Variants in KLHDC4 observed in about 807,000 individuals in gnomAD.
The protein encoded by KLHDC4 is kelch domain containing 4, also known as kelch domain-containing protein 4.
In KLHDC4, 90 loss-of-function variants were observed where a neutral mutation model predicts 62.4. The observed-to-expected ratio is 1.44, with a 90% confidence interval of 1.22 to 1.72. The LOEUF (loss-of-function observed/expected upper bound fraction) is 1.72. KLHDC4 is among the 40% of genes most tolerant of loss of function. KLHDC4 has a pLI of 0.00. For missense variants in KLHDC4, 1,025 were observed against 699.7 expected (o/e 1.47, Z -5.25); for synonymous variants, 386 against 284.4 (o/e 1.36, Z -3.59).
At chr16:87,710,007 C>T (rs964705088) in intron 9 of KLHDC4, 7 of 280,134 alleles carry the variant, frequency 2.5e-5, no homozygotes, top group African/African-American at 1.5e-4. Flanking sequence ...CCGACGCTCA[C>T]CCTGGGAAAA....
At chr16:87,741,366 C>T (rs1363674482) in intron 5 of KLHDC4, among the ~76,000 whole-genome samples, 1 of 152,196 alleles carries the variant, frequency 6.6e-6, no homozygotes, top group African/African-American at 2.4e-5. Context: ...GTGAGGGGGC[C>T]AGCAGGCATC....
chr16:87,762,035 G>A lies in KLHDC4; in HGVS notation c.105C>T (p.Asp35=), dbSNP rs2045967787. The change falls in exon 2 of 12, where the codon GAC becomes GAT. Residue 35 remains aspartate, a synonymous_variant. Transcript: ENST00000270583. ...VSKRSRKEEE[D]LEALIAHFQT... ...GGAAATGGGCTATGAGCGCTTCCAGGTCTTCCTAGGGCAAGCAAGCAGGCA... is the reference window on the plus strand; with the variant it reads ...GGAAATGGGCTATGAGCGCTTCCAGATCTTCCTAGGGCAAGCAAGCAGGCA... 1.2e-6 allele frequency: 2 copies of A among 1,613,424 alleles called. No homozygotes were observed.
chr16:87,708,020 G>A lies in KLHDC4; in HGVS notation c.*57C>T. 1 of 501,454 alleles carries A rather than the reference G, an allele frequency of 2.0e-6. No homozygotes were observed. The highest frequency in any genetic ancestry group is 3.9e-6 in the Non-Finnish European group (1 of 256,530). 31.1% of individuals were successfully genotyped at this position (501,454 alleles called of 1,614,324 possible). ...CCCAAGAGCTTCACTCAACACGGCT[G>A]GGTCCTGGGCGGACGTGGGCACAGC... On this transcript the variant is annotated 3_prime_UTR_variant, in exon 12 of 12. Coordinates refer to ENST00000270583, the MANE Select transcript of KLHDC4 (RefSeq NM_017566.4).
chr16:87,716,146 C>T (rs1054009452), intron 7 of KLHDC4, among the ~76,000 whole-genome samples: 3 of 150,004 alleles, frequency 2.0e-5, no homozygotes, highest in East Asian at 1.9e-4. Flanking sequence ...TTTATGTAGA[C>T]TTTGGGTACG....
At position 87,700,339 on chromosome 16, in the gene KLHDC4, G is replaced by A. The variant is rs183452029; in HGVS notation, c.*1300C>T. 634 of 155,004 alleles carry A rather than the reference G, an allele frequency of 4.1e-3. 2 individuals carry two copies. The highest frequency in any genetic ancestry group is 0.014 in the African/African-American group (598 of 41,644). 9.6% of individuals were successfully genotyped at this position (155,004 alleles called of 1,614,324 possible). On this transcript the variant is annotated 3_prime_UTR_variant, in exon 1 of 1. Transcript: ENST00000446344. ...TGACTGTTTCTGCCTTCAGCCGGCC[G>A]ACAGCACCGGGCGCAACAAGCTTCA...
At chr16:87,765,344 T>C (rs1286036791) in intron 1 of KLHDC4, 1 of 457,852 alleles carries the variant, frequency 2.2e-6, no homozygotes, top group Non-Finnish European at 4.4e-6. Flanking sequence ...TTGCCCTCTT[T>C]TGAAAGAAAA....
intron 7 of KLHDC4, among the ~76,000 whole-genome samples, chr16:87,716,517 T>C (rs763789775): frequency 6.6e-6 from 1 of 152,138 alleles, no homozygotes; most frequent in Non-Finnish European, 1.5e-5. Context: ...TTTGAGCACC[T>C]CCTTAGGCTC....
chr16:87,749,489 G>A (rs113814540), intron 4 of KLHDC4, among the ~76,000 whole-genome samples: 1 of 151,668 alleles, frequency 6.6e-6, no homozygotes, highest in African/African-American at 2.4e-5. Flanking sequence ...GGGAGGTGGA[G>A]GGTGCAGTGA....
At chr16:87,702,461 C>A in exon 1 of KLHDC4, 1 of 362,952 alleles carries the variant, frequency 2.8e-6, no homozygotes, top group Non-Finnish European at 5.4e-6. Context: ...GAGCCCGCGT[C>A]CCCAAATGTA....
chr16:87,752,877 T>C (rs963439140), intron 4 of KLHDC4, among the ~76,000 whole-genome samples: 1 of 152,228 alleles, frequency 6.6e-6, no homozygotes, highest in African/African-American at 2.4e-5. Context: ...TGTACCACGT[T>C]AGCTCCGCAC....
exon 1 of KLHDC4, chr16:87,698,365 C>G (rs2033990134): frequency 1.1e-5 from 1 of 88,712 alleles, no homozygotes; most frequent in Non-Finnish European, 2.0e-5. Context: ...ATAAAGACTC[C>G]TGCTCTGTGC....
At chr16:87,753,120 G>A (rs937568018) in intron 4 of KLHDC4, among the ~76,000 whole-genome samples, 1 of 152,222 alleles carries the variant, frequency 6.6e-6, no homozygotes, top group Non-Finnish European at 1.5e-5. Context: ...GGACGCAGAG[G>A]CAGCTAAAAG....
At chr16:87,751,252 G>C (rs2043880049) in intron 4 of KLHDC4, among the ~76,000 whole-genome samples, 3 of 152,192 alleles carry the variant, frequency 2.0e-5, no homozygotes, top group South Asian at 2.1e-4. Flanking sequence ...GAGGGAGGTA[G>C]ATCATGAGGT....
chr16:87,702,660 C>G, upstream of KLHDC4: 1 of 231,138 alleles, frequency 4.3e-6, no homozygotes, highest in South Asian at 6.3e-5. Flanking sequence ...AGGGGCCTCT[C>G]TGCTCAGGGG....
exon 1 of KLHDC4, chr16:87,700,937 TTC>T (rs2034117359): frequency 4.0e-6 from 1 of 250,914 alleles, no homozygotes; most frequent in African/African-American, 2.4e-5. Flanking sequence ...CCTGGTTGGC[TTC>T]TCTCGCGCCC....
chr16:87,706,887 C>T (rs1008035014), downstream of KLHDC4, among the ~76,000 whole-genome samples: 1 of 152,234 alleles, frequency 6.6e-6, no homozygotes, highest in African/African-American at 2.4e-5. Flanking sequence ...GAGGTGCTCA[C>T]AGGGGCTCGC....
At chr16:87,758,326 T>A (rs1363644001) in intron 2 of KLHDC4, among the ~76,000 whole-genome samples, 1 of 152,036 alleles carries the variant, frequency 6.6e-6, no homozygotes, top group Non-Finnish European at 1.5e-5. Context: ...TGCAGATGAG[T>A]GGACAAACAC....
At chr16:87,762,209 A>T (rs1018600629) in intron 1 of KLHDC4, 169 bp from the exon 2 acceptor site, 2 of 1,390,040 alleles carry the variant, frequency 1.4e-6, no homozygotes, top group Non-Finnish European at 1.9e-6. Flanking sequence ...ATTCGAAAGT[A>T]ACCAGAGCTT....
At chr16:87,708,854 C>T (rs777571904) in intron 10 of KLHDC4, among the ~76,000 whole-genome samples, 27 of 152,362 alleles carry the variant, frequency 1.8e-4, no homozygotes, top group African/African-American at 6.3e-4. Flanking sequence ...CATGGTGACT[C>T]GATCCCAGCA....
Sources: gnomAD v4.1 joint callset for allele counts (sites outside exome capture counted in the v4.1 genomes callset) on GRCh38, gnomAD v4.1.1 for gene constraint, MANE v1.5 for transcripts, NCBI Gene and HGNC (gene_info 2026-07-23, HGNC 2026-07-21) for gene names.